The following GBE1 variants were observed in gnomAD, a reference collection of about 807,000 sequenced individuals.
GBE1 encodes the protein 1,4-alpha-glucan-branching enzyme.
A neutral mutation model predicts 88.8 loss-of-function variants in GBE1; 70 were observed. That is an observed-to-expected ratio of 0.79 (90% CI 0.65 to 0.96). The LOEUF is 0.96. GBE1 is among the 40% of genes least tolerant of loss of function. The pLI is 0.00. For missense variants in GBE1, 872 were observed against 871.0 expected, an observed-to-expected ratio of 1.00 and a Z score of -0.01; for synonymous variants, 284 against 300.1, an observed-to-expected ratio of 0.95 and a Z score of 0.56.
At chr3:81,582,183 A>C (rs1200538452) in intron 10 of GBE1, among the ~76,000 whole-genome samples, 1 of 152,094 alleles carries the variant, frequency 6.6e-6, no homozygotes, top group African/African-American at 2.4e-5. Context: ...TGATCATTGC[A>C]GTGCGAATCT....
intron 12 of GBE1, among the ~76,000 whole-genome samples, chr3:81,539,621 G>A (rs768320828): frequency 6.6e-6 from 1 of 151,966 alleles, no homozygotes; most frequent in Non-Finnish European, 1.5e-5. Flanking sequence ...AGAAAAGAAT[G>A]ATCGATTCAA....
intron 14 of GBE1, among the ~76,000 whole-genome samples, chr3:81,513,165 T>G (rs776480252): frequency 6.6e-6 from 1 of 151,558 alleles, no homozygotes; most frequent in Non-Finnish European, 1.5e-5. Flanking sequence ...TGGGTGAATT[T>G]TTCAGGGAAA....
intron 3 of GBE1, among the ~76,000 whole-genome samples, chr3:81,658,577 G>A (rs1704975764): frequency 6.6e-6 from 1 of 152,102 alleles, no homozygotes. Context: ...CTATAAAAAG[G>A]AGTATTATCC....
At chr3:81,646,292 TA>T in intron 6 of GBE1, 99 bp downstream of exon 6, 2 of 779,536 alleles carry the variant, frequency 2.6e-6, no homozygotes, top group Non-Finnish European at 4.4e-6. Context: ...CTGTTAACCC[TA>T]AAAGGTTACA....
At chr3:81,606,609 A>G (rs939764805) in intron 7 of GBE1, among the ~76,000 whole-genome samples, 1 of 152,210 alleles carries the variant, frequency 6.6e-6, no homozygotes, top group Non-Finnish European at 1.5e-5. Context: ...TTCTTGAAGC[A>G]CAGACAAGCT....
At chr3:81,597,205 C>G (rs1308610113) in intron 7 of GBE1, among the ~76,000 whole-genome samples, 1 of 151,706 alleles carries the variant, frequency 6.6e-6, no homozygotes, top group South Asian at 2.1e-4. Context: ...CAGCCCATAA[C>G]ACAGTTGATA....
chr3:81,577,795 T>C (rs1414905714), intron 12 of GBE1, 130 bp downstream of exon 12: 2 of 664,958 alleles, frequency 3.0e-6, no homozygotes, highest in Middle Eastern at 2.9e-4. Flanking sequence ...TACACGACAG[T>C]ATATGAAATA....
At chr3:81,667,462 G>C (rs148206763) in intron 3 of GBE1, among the ~76,000 whole-genome samples, 2,298 of 152,140 alleles carry the variant, frequency 0.015, 64 homozygotes, top group African/African-American at 0.052. Flanking sequence ...GATTGCCCTG[G>C]CCAGAAGTTC....
At chr3:81,591,231 A>T (rs1042831937) in intron 8 of GBE1, 67 bp from the exon 9 acceptor site, 25 of 1,196,702 alleles carry the variant, frequency 2.1e-5, no homozygotes, top group Admixed American at 2.7e-5. Context: ...GCACAAATAC[A>T]TTCACCAATT....
At chr3:81,576,323 T>C (rs1158144883) in intron 12 of GBE1, among the ~76,000 whole-genome samples, 1 of 152,142 alleles carries the variant, frequency 6.6e-6, no homozygotes, top group African/African-American at 2.4e-5. Flanking sequence ...TTTTAGATTG[T>C]AAATTCTCTG....
intron 12 of GBE1, among the ~76,000 whole-genome samples, chr3:81,573,777 G>C (rs6807413): frequency 0.019 from 2,873 of 148,270 alleles, 41 homozygotes; most frequent in Non-Finnish European, 0.029. Context: ...CTCTCTCTCT[G>C]TGTGTGTGTG....
intron 2 of GBE1, among the ~76,000 whole-genome samples, chr3:81,681,419 C>G (rs1391752802): frequency 6.6e-6 from 1 of 152,164 alleles, no homozygotes; most frequent in Non-Finnish European, 1.5e-5. Flanking sequence ...GTTAGTGACT[C>G]TCCTCTATAC....
chr3:81,747,669 C>T (rs543186835), intron 1 of GBE1, among the ~76,000 whole-genome samples: 254 of 152,346 alleles, frequency 1.7e-3, no homozygotes, highest in African/African-American at 5.8e-3. Flanking sequence ...CCTGCCCCGC[C>T]TTAGCTGATG....
chr3:81,705,883 A>AT (rs919975474), intron 1 of GBE1, among the ~76,000 whole-genome samples: 19 of 152,092 alleles, frequency 1.2e-4, no homozygotes, highest in Non-Finnish European at 2.8e-4. Context: ...TATTTCATGA[A>AT]TTTTTTTAAA....
At chr3:81,649,733 G>A (rs1704818042) in intron 4 of GBE1, 63 bp downstream of exon 4, 3 of 1,401,996 alleles carry the variant, frequency 2.1e-6, no homozygotes, top group East Asian at 2.4e-5. Context: ...AGTTATAAAA[G>A]TAAAAATTAA....
At chr3:81,719,204 G>A (rs148770360) in intron 1 of GBE1, among the ~76,000 whole-genome samples, 25 of 152,008 alleles carry the variant, frequency 1.6e-4, no homozygotes, top group South Asian at 4.1e-4. Flanking sequence ...TTGGGATTTC[G>A]GTTTTTTTGT....
chr3:81,681,103 G>A (rs1036431430), intron 2 of GBE1, among the ~76,000 whole-genome samples: 2 of 152,240 alleles, frequency 1.3e-5, no homozygotes, highest in Non-Finnish European at 2.9e-5. Flanking sequence ...CAGCTGGAAA[G>A]TGAGACATTA....
At chr3:81,685,954 C>G (rs946631263) in intron 2 of GBE1, among the ~76,000 whole-genome samples, 2 of 152,140 alleles carry the variant, frequency 1.3e-5, no homozygotes, top group African/African-American at 4.8e-5. Context: ...TGGCAAAGGT[C>G]ACCACAGACT....
intron 15 of GBE1, among the ~76,000 whole-genome samples, chr3:81,491,745 G>A (rs188107500): frequency 2.6e-5 from 4 of 152,072 alleles, no homozygotes; most frequent in Admixed American, 2.6e-4. Context: ...AGCTTTCAGA[G>A]GTTAGAACCA....
Sources: allele counts gnomAD v4.1 joint callset (sites outside exome capture counted in the v4.1 genomes callset), GRCh38; gene constraint gnomAD v4.1.1; transcripts MANE v1.5; gene names NCBI Gene and HGNC (gene_info 2026-07-23, HGNC 2026-07-21).